TNNT2: variants seen among roughly 807,000 people sequenced by gnomAD.
The protein encoded by TNNT2 is troponin T, cardiac muscle.
In TNNT2, 34 loss-of-function variants were observed where a neutral mutation model predicts 62.4. The ratio of observed to expected loss-of-function variants is 0.54; its 90% CI spans 0.41 to 0.72. The LOEUF (loss-of-function observed/expected upper bound fraction) is 0.72. TNNT2 is among the 30% of genes least tolerant of loss of function. TNNT2 has a pLI of 0.00. For synonymous variants in TNNT2, 123 were observed against 127.2 expected (o/e 0.97, Z 0.22); for missense variants, 275 against 381.9 (o/e 0.72, Z 2.33).
intron 6 of TNNT2, 116 bp downstream of exon 6, chr1:201,368,046 G>A: frequency 9.0e-7 from 1 of 1,114,010 alleles, no homozygotes; most frequent in Non-Finnish European, 1.4e-6. Flanking sequence ...TTAGTCAATA[G>A]GAGAGTCAGG....
In TNNT2 at chr1:201,362,691, GA is replaced by G. The variant is rs140190878; in HGVS notation, c.601-298del. ...AGCTGGAAATCTAAGAAAATGTTTT[GA>G]TTCCTTCACTACCTAGAGAAAATCA... On this transcript the variant is annotated intron_variant, in intron 12 of 16. Coordinates refer to ENST00000656932, the MANE Select transcript of TNNT2 (RefSeq NM_001276345.2). Among the ~76,000 whole-genome samples, 1,524 of 152,238 alleles carry G rather than the reference GA, an allele frequency of 0.01. 25 individuals are homozygous for G. Among genetic ancestry groups the G allele is most frequent in the African/African-American group, 0.035 (1,443 of 41,520 alleles).
At chr1:201,364,259 A>C (rs1395715349) in intron 11 of TNNT2, 39 bp downstream of exon 11, 2 of 1,596,834 alleles carry the variant, frequency 1.3e-6, no homozygotes, top group Admixed American at 3.4e-5. Flanking sequence ...AGCTGGGAGC[A>C]TGGGGGGCCT....
intron 16 of TNNT2, 151 bp downstream of exon 16, chr1:201,359,472 C>T (rs1658187460): frequency 7.1e-6 from 7 of 979,638 alleles, no homozygotes; most frequent in South Asian, 5.6e-5. Context: ...AAGCACGAGG[C>T]CCCGGAGGAG....
intron 11 of TNNT2, 31 bp downstream of exon 11, chr1:201,364,267 C>A: frequency 6.2e-7 from 1 of 1,603,148 alleles, no homozygotes. Flanking sequence ...GCATGGGGGG[C>A]CTCCATGGGC....
At chr1:201,361,784 A>G (rs1250160873) in intron 14 of TNNT2, 129 bp downstream of exon 14, 4 of 922,894 alleles carry the variant, frequency 4.3e-6, no homozygotes, top group Non-Finnish European at 7.1e-6. Context: ...TGGTCCCACC[A>G]AACTTGCCAT....
intron 1 of TNNT2, chr1:201,374,847 C>A: frequency 6.6e-6 from 1 of 152,358 alleles, no homozygotes. Context: ...ATGCCAGCTC[C>A]ACAGCCTTCC....
intron 1 of TNNT2, among the ~76,000 whole-genome samples, chr1:201,377,233 A>T (rs552775016): frequency 2.0e-5 from 3 of 152,276 alleles, no homozygotes; most frequent in African/African-American, 7.2e-5. Flanking sequence ...AATTTAGGGG[A>T]GTCTCTGTTG....
intron 14 of TNNT2, 136 bp from the exon 15 acceptor site, chr1:201,361,505 C>G (rs1301290998): frequency 1.2e-6 from 1 of 855,774 alleles, no homozygotes; most frequent in Admixed American, 1.8e-5. Context: ...CCCCAGCCCA[C>G]CCCCTGGGCC....
intron 1 of TNNT2, among the ~76,000 whole-genome samples, chr1:201,375,761 C>T (rs979836883): frequency 2.0e-5 from 3 of 152,192 alleles, no homozygotes; most frequent in South Asian, 2.1e-4. Context: ...TCAGAGGAAC[C>T]GTGCATGGCC....
chr1:201,363,026 C>T, intron 12 of TNNT2: 1 of 830,972 alleles, frequency 1.2e-6, no homozygotes. Context: ...TTGGGGGCTC[C>T]TGAGCACTGC....
At chr1:201,375,470 G>A (rs541712003) in intron 1 of TNNT2, 1 of 152,212 alleles carries the variant, frequency 6.6e-6, no homozygotes, top group Non-Finnish European at 1.5e-5. Context: ...CCAGGGTGGG[G>A]TGAGTGGGTG....
chr1:201,373,380 C>T, intron 1 of TNNT2, 112 bp from the exon 2 acceptor site: 1 of 923,812 alleles, frequency 1.1e-6, no homozygotes, highest in Non-Finnish European at 1.8e-6. Flanking sequence ...AATCTAGTTC[C>T]ACCCCTCATG....
intron 10 of TNNT2, 24 bp from the exon 11 acceptor site, chr1:201,364,399 C>T (rs1212900027): frequency 1.2e-6 from 2 of 1,609,630 alleles, no homozygotes; most frequent in South Asian, 2.2e-5. Flanking sequence ...GCAAAGCCCA[C>T]CCAGGTGTGC....
At position 201,370,464 on chromosome 1, in the gene TNNT2, G is replaced by A. The variant is rs116244041; in HGVS notation, c.68-619C>T. Among the ~76,000 whole-genome samples the A allele has an allele frequency of 7.7e-3, 1,175 of 152,280 alleles. 17 individuals are homozygous for A. Among genetic ancestry groups the A allele is most frequent in the African/African-American group, 0.027 (1,121 of 41,548 alleles). On this transcript the variant is annotated intron_variant, in intron 4 of 16. Coordinates refer to ENST00000656932, the MANE Select transcript of TNNT2 (RefSeq NM_001276345.2). ...CAGCATTATAAATCTAAGGAAAGAG[G>A]CTGCATCTACAACAGTTGTTCTACG...
intron 10 of TNNT2, 45 bp from the exon 11 acceptor site, chr1:201,364,420 G>A: frequency 6.3e-7 from 1 of 1,594,544 alleles, no homozygotes; most frequent in Non-Finnish European, 8.5e-7. Flanking sequence ...ATAGGGAGAA[G>A]GTGACATCGC....
At chr1:201,368,121 G>A (rs202215532) in intron 6 of TNNT2, 41 bp downstream of exon 6, 35 of 1,605,998 alleles carry the variant, frequency 2.2e-5, no homozygotes, top group East Asian at 8.9e-5. Context: ...AGGGGCTCTC[G>A]CCACCCCCTG....
At chr1:201,362,443 G>A (rs766552001) in intron 12 of TNNT2, 49 bp from the exon 13 acceptor site, 25 of 1,601,698 alleles carry the variant, frequency 1.6e-5, no homozygotes, top group Middle Eastern at 1.6e-4. Context: ...AGACCAAGAC[G>A]GCAACAGAGA....
At chr1:201,359,736 G>T in intron 15 of TNNT2, 73 bp from the exon 16 acceptor site, 1 of 1,295,950 alleles carries the variant, frequency 7.7e-7, no homozygotes, top group South Asian at 1.3e-5. Context: ...GCCTGGGGAT[G>T]GGGAGAAGGG....
In TNNT2 at chr1:201,366,842, G is replaced by A. The variant is rs774702133; in HGVS notation, c.229C>T (p.Pro77Ser). The A allele has an allele frequency of 6.2e-7, 1 of 1,614,108 alleles. No homozygotes were observed. Among genetic ancestry groups the A allele is most frequent in the Non-Finnish European group, 8.5e-7 (1 of 1,180,034 alleles). ...DGPMEESKPK[P>S]RSFMPNLVPP... ...CCCAGGTGCCTCCCCACTCACCTGGGCTTTGGTTTGGACTCCTCCATTGGG... is the reference window on the plus strand; with the variant it reads ...CCCAGGTGCCTCCCCACTCACCTGGACTTTGGTTTGGACTCCTCCATTGGG... The change falls in exon 8 of 17, where the codon CCC (proline) becomes TCC (serine). Residue 77 changes from proline (P) to serine (S), a missense_variant. Physicochemically the swap from Pro to Ser is moderately conservative, Grantham distance 74 (BLOSUM62 -1). Transcript: ENST00000656932.
Sources: allele counts gnomAD v4.1 joint callset (sites outside exome capture counted in the v4.1 genomes callset), GRCh38; gene constraint gnomAD v4.1.1; transcripts MANE v1.5; gene names NCBI Gene and HGNC (gene_info 2026-07-23, HGNC 2026-07-21).